PCDHA5: variants seen among roughly 807,000 people sequenced by gnomAD.
PCDHA5 encodes the protein protocadherin alpha 5.
Under a neutral mutation model 61.6 loss-of-function variants are expected in PCDHA5, and 43 were observed. That is an observed-to-expected ratio of 0.70 (90% CI 0.55 to 0.90). The LOEUF (loss-of-function observed/expected upper bound fraction) is 0.90, where lower values mean the gene tolerates loss of function less well. Among genes scored for constraint, PCDHA5 ranks in the 40% least tolerant of loss-of-function variants. PCDHA5 has a pLI of 0.00. For missense variants in PCDHA5, 1,298 were observed against 1,222.7 expected (o/e 1.06, Z -0.92); for synonymous variants, 627 against 543.9 (o/e 1.15, Z -2.13).
chr5:140,963,175 T>C (rs1408160891), intron 1 of PCDHA5, among the ~76,000 whole-genome samples: 1 of 152,046 alleles, frequency 6.6e-6, no homozygotes, highest in East Asian at 1.9e-4. Context: ...ATCTTACAGA[T>C]ATGCTGTAGA....
intron 3 of PCDHA5, among the ~76,000 whole-genome samples, chr5:141,006,264 T>C (rs2098264343): frequency 6.6e-6 from 1 of 152,148 alleles, no homozygotes; most frequent in Non-Finnish European, 1.5e-5. Flanking sequence ...CAGGCTGGAC[T>C]GCAGTGGCAC....
Position 140,883,460 on chromosome 5 carries a change from G to C in PCDHA5, c.2352+59333G>C, listed in dbSNP as rs1554178305. 4 of 1,614,138 alleles carry C rather than the reference G, an allele frequency of 2.5e-6. No individual in the cohort carries two copies. The African/African-American group carries it at 5.3e-5, about 22-fold the overall frequency. On this transcript the variant is annotated intron_variant, in intron 1 of 3. Transcript: ENST00000529859. Reference sequence around the variant, plus strand: ...GACGCCGCATGTCCCCTTCAAGCTGGTGTCCACCTACAAGAACTACTACTC... The same window carrying C: ...GACGCCGCATGTCCCCTTCAAGCTGCTGTCCACCTACAAGAACTACTACTC...
At chr5:140,870,817 G>A in intron 1 of PCDHA5, 6 of 1,613,726 alleles carry the variant, frequency 3.7e-6, no homozygotes, top group Non-Finnish European at 5.1e-6. Context: ...GGCTGGCAGC[G>A]CGGGAGGCGC....
At chr5:140,879,512 G>C (rs1378276808) in intron 1 of PCDHA5, among the ~76,000 whole-genome samples, 1 of 152,156 alleles carries the variant, frequency 6.6e-6, no homozygotes, top group Non-Finnish European at 1.5e-5. Flanking sequence ...AGAGATTATT[G>C]ATATAGATTT....
chr5:140,857,483 T>C lies in PCDHA5; in HGVS notation c.2352+33356T>C, dbSNP rs781790244. 2.8e-5 allele frequency: 44 copies of C among 1,598,450 alleles called. 2 individuals carry two copies. Among genetic ancestry groups the C allele is most frequent in the Non-Finnish European group, 3.2e-5 (37 of 1,167,868 alleles). On this transcript the variant is annotated intron_variant, in intron 1 of 3. Transcript: ENST00000529859. ...CTGCCACATCTTCACGGTGTCTGCG[T>C]GGGACGCGGACGCGCAGGAGAACGC...
At position 140,849,758 on chromosome 5, in the gene PCDHA5, C is replaced by G. The variant is rs150560525; in HGVS notation, c.2352+25631C>G. ...TGGACCGCGAGAGTGTGTCCGCCTA[C>G]GAGCTGGTGGTTACCGCGCGGGACG... On this transcript the variant is annotated intron_variant, in intron 1 of 3. Transcript: ENST00000529859. 7 of 1,598,378 alleles carry G rather than the reference C, an allele frequency of 4.4e-6. No homozygotes were observed. In the African/African-American group the frequency reaches 5.4e-5, roughly 12 times the overall value.
At chr5:140,850,277 G>A (rs2150477192) in intron 1 of PCDHA5, 1 of 1,595,522 alleles carries the variant, frequency 6.3e-7, no homozygotes, top group South Asian at 1.1e-5. Flanking sequence ...TGGGGAAGGT[G>A]CGCGCAGTGG....
chr5:140,829,430 G>A (rs1554131952), intron 1 of PCDHA5: 2 of 1,613,974 alleles, frequency 1.2e-6, no homozygotes, highest in African/African-American at 1.3e-5. Context: ...GGAGGTGGCC[G>A]ACATGAATGA....
At chr5:140,928,681 TC>T (rs782384924) in intron 1 of PCDHA5, 4 of 1,614,062 alleles carry the variant, frequency 2.5e-6, no homozygotes. Flanking sequence ...TGCCTGGCTT[TC>T]CTACCACATC....
At chr5:140,926,373 G>T (rs1040164585) in intron 1 of PCDHA5, 1 of 152,370 alleles carries the variant, frequency 6.6e-6, no homozygotes, top group African/African-American at 2.4e-5. Flanking sequence ...GGCAGGAAGA[G>T]CCCAGCTGGG....
intron 1 of PCDHA5, among the ~76,000 whole-genome samples, chr5:140,953,010 G>C (rs116014174): frequency 0.016 from 2,468 of 152,152 alleles, 61 homozygotes; most frequent in African/African-American, 0.055. Flanking sequence ...ACTATTATGA[G>C]AACAACATTA....
chr5:140,873,030 C>T (rs251373), intron 1 of PCDHA5, among the ~76,000 whole-genome samples: 67,234 of 151,934 alleles, frequency 0.44, 15,336 homozygotes, highest in South Asian at 0.58. Context: ...TCTTACTACA[C>T]GTAGAGTGGT....
chr5:140,913,167 T>C (rs1232000053), intron 1 of PCDHA5, among the ~76,000 whole-genome samples: 1 of 152,196 alleles, frequency 6.6e-6, no homozygotes, highest in Non-Finnish European at 1.5e-5. Flanking sequence ...TTGGTATTAG[T>C]TCTTCTTTAA....
At chr5:140,999,078 T>G (rs1554256609) in intron 3 of PCDHA5, among the ~76,000 whole-genome samples, 2 of 152,208 alleles carry the variant, frequency 1.3e-5, no homozygotes, top group Non-Finnish European at 2.9e-5. Context: ...CTTCACTTCC[T>G]CCTTCAGAGG....
At position 140,854,813 on chromosome 5, in the gene PCDHA5, C is replaced by T. The variant is rs957346497; in HGVS notation, c.2352+30686C>T. 2.0e-5 allele frequency: 3 copies of T among 149,256 alleles called. 1 individual carries two copies. Among genetic ancestry groups the T allele is most frequent in the Admixed American group, 6.7e-5 (1 of 14,824 alleles). The allele number at this position is 149,256 out of a possible 1,614,324, so 9.2% of individuals were successfully genotyped here. On this transcript the variant is annotated intron_variant, in intron 1 of 3. Coordinates refer to ENST00000529859, the MANE Select transcript of PCDHA5 (RefSeq NM_018908.3). ...GAGAGAGAAAAAAATATTTTTACTGCAAGTGGTGATGAAAAACTTCACTGA... is the reference window on the plus strand; with the variant it reads ...GAGAGAGAAAAAAATATTTTTACTGTAAGTGGTGATGAAAAACTTCACTGA...
chr5:140,894,096 C>T (rs1487747692), intron 1 of PCDHA5, among the ~76,000 whole-genome samples: 3 of 152,098 alleles, frequency 2.0e-5, no homozygotes, highest in African/African-American at 7.2e-5. Flanking sequence ...TCTTCTAGCT[C>T]CTGGTGTTGC....
chr5:140,839,529 A>G (rs1291835739), intron 1 of PCDHA5, among the ~76,000 whole-genome samples: 5 of 151,980 alleles, frequency 3.3e-5, no homozygotes, highest in Admixed American at 2.6e-4. Flanking sequence ...TGCTGGGACT[A>G]TAGGCACACA....
Position 140,848,728 on chromosome 5 carries a change from A to G in PCDHA5, c.2352+24601A>G. On this transcript the variant is annotated intron_variant, in intron 1 of 3. Transcript: ENST00000529859. ...GGCCGCGGGGACCTTCTGGAGGTAAATCTGCAGAATGGCATTTTGTTTGTG... is the reference window on the plus strand; with the variant it reads ...GGCCGCGGGGACCTTCTGGAGGTAAGTCTGCAGAATGGCATTTTGTTTGTG... 5 of 1,592,594 alleles carry G rather than the reference A, an allele frequency of 3.1e-6. No individual in the cohort carries two copies. Among genetic ancestry groups the G allele is most frequent in the South Asian group, 1.1e-5 (1 of 90,116 alleles).
chr5:140,875,261 G>T, intron 1 of PCDHA5: 1 of 1,130,462 alleles, frequency 8.8e-7, no homozygotes, highest in East Asian at 2.7e-5. Flanking sequence ...ACATGATGTC[G>T]CTCTACACTC....
Sources: gnomAD v4.1 joint callset for allele counts (sites outside exome capture counted in the v4.1 genomes callset) on GRCh38, gnomAD v4.1.1 for gene constraint, MANE v1.5 for transcripts, NCBI Gene and HGNC (gene_info 2026-07-23, HGNC 2026-07-21) for gene names.